Variants in ZFHX3 observed in about 807,000 individuals in gnomAD.
ZFHX3 encodes zinc finger homeobox protein 3.
Under a neutral mutation model 279.1 loss-of-function variants are expected in ZFHX3, and 42 were observed. That is an observed-to-expected ratio of 0.15 (90% CI 0.12 to 0.19). The LOEUF is 0.19. Ranked by LOEUF, ZFHX3 falls within the 10% of genes least tolerant of loss-of-function variation. The pLI is 1.00. For missense variants in ZFHX3, 4,981 were observed against 4,754.0 expected, an observed-to-expected ratio of 1.05 and a Z score of -1.40; for synonymous variants, 2,293 against 1,957.8, an observed-to-expected ratio of 1.17 and a Z score of -4.52.
At chr16:72,843,686 G>C (rs1328560699) in intron 4 of ZFHX3, among the ~76,000 whole-genome samples, 1 of 152,126 alleles carries the variant, frequency 6.6e-6, no homozygotes, top group Non-Finnish European at 1.5e-5. Context: ...CTCACACCCT[G>C]CTCCCTGGGT....
chr16:73,170,223 G>GTTTTCTTTTTTTTTTTTTT (rs1967487476), intron 5 of ZFHX3, among the ~76,000 whole-genome samples: 1 of 57,718 alleles, frequency 1.7e-5, no homozygotes, highest in Non-Finnish European at 2.9e-5. Flanking sequence ...CCTTTCACTA[G>GTTTTCTTTTTTTTTTTTTT]TTTTTTTTTT....
At chr16:72,800,953 G>C (rs1326836011) in intron 7 of ZFHX3, among the ~76,000 whole-genome samples, 1 of 152,212 alleles carries the variant, frequency 6.6e-6, no homozygotes, top group African/African-American at 2.4e-5. Flanking sequence ...TTTGGGCAGA[G>C]CCTCAGATAT....
intron 4 of ZFHX3, among the ~76,000 whole-genome samples, chr16:72,845,141 G>A (rs993804169): frequency 7.9e-5 from 12 of 152,104 alleles, no homozygotes; most frequent in Admixed American, 3.9e-4. Context: ...AGCTCCAAGC[G>A]GGGGAAACAG....
intron 1 of ZFHX3, among the ~76,000 whole-genome samples, chr16:73,806,554 C>T (rs957908018): frequency 2.0e-5 from 3 of 151,102 alleles, no homozygotes; most frequent in Non-Finnish European, 4.4e-5. Context: ...AGCTTAGGGG[C>T]AGGGTGGGGA....
At chr16:73,121,733 C>A (rs549589922) in intron 7 of ZFHX3, among the ~76,000 whole-genome samples, 3 of 151,554 alleles carry the variant, frequency 2.0e-5, no homozygotes, top group African/African-American at 7.3e-5. Flanking sequence ...CTCCTGCCTC[C>A]GCCTCCCAAG....
intron 1 of ZFHX3, among the ~76,000 whole-genome samples, chr16:73,819,474 C>A (rs1043072030): frequency 1.3e-5 from 2 of 151,976 alleles, no homozygotes; most frequent in Admixed American, 6.6e-5. Flanking sequence ...TTGTATCAGG[C>A]CTTTCCCACC....
At chr16:73,653,688 C>G (rs1398291656) in intron 2 of ZFHX3, among the ~76,000 whole-genome samples, 2 of 151,662 alleles carry the variant, frequency 1.3e-5, no homozygotes, top group African/African-American at 4.8e-5. Context: ...CCACCCAAAA[C>G]AAACAAAAGG....
chr16:73,706,473 A>C (rs936205882), intron 1 of ZFHX3, among the ~76,000 whole-genome samples: 1 of 150,140 alleles, frequency 6.7e-6, no homozygotes, highest in East Asian at 1.9e-4. Context: ...AAAAAAAAAA[A>C]AGAGAAAAAT....
chr16:73,671,829 A>G (rs1228289112), intron 2 of ZFHX3, among the ~76,000 whole-genome samples: 1 of 152,246 alleles, frequency 6.6e-6, no homozygotes, highest in Non-Finnish European at 1.5e-5. Context: ...AGTTTTAAAT[A>G]TCATAAAATA....
intron 4 of ZFHX3, among the ~76,000 whole-genome samples, chr16:73,280,941 C>A (rs750118188): frequency 6.6e-6 from 1 of 150,390 alleles, no homozygotes; most frequent in South Asian, 2.1e-4. Context: ...GCCAAGATTG[C>A]GCCATTGCAC....
chr16:72,978,903 A>T (rs1962472638), intron 1 of ZFHX3, among the ~76,000 whole-genome samples: 1 of 152,216 alleles, frequency 6.6e-6, no homozygotes, highest in African/African-American at 2.4e-5. Context: ...CTAGGTGCTT[A>T]CCATGCCCAG....
intron 3 of ZFHX3, among the ~76,000 whole-genome samples, chr16:72,911,100 A>T (rs963676502): frequency 5.3e-5 from 8 of 152,192 alleles, no homozygotes; most frequent in Non-Finnish European, 1.2e-4. Context: ...ACAAAACATC[A>T]TGTTGCTGCC....
At chr16:73,059,085 G>C (rs1210932654) in exon 1 of ZFHX3, 1 of 152,948 alleles carries the variant, frequency 6.5e-6, no homozygotes, top group Non-Finnish European at 1.5e-5. Flanking sequence ...AAATGGCTGT[G>C]ATTAATTCAG....
At chr16:73,779,573 A>T (rs1190826806) in intron 1 of ZFHX3, among the ~76,000 whole-genome samples, 2 of 152,156 alleles carry the variant, frequency 1.3e-5, no homozygotes, top group African/African-American at 2.4e-5. Context: ...ACCCACAAAG[A>T]TAGATAAGGT....
chr16:73,131,782 C>T (rs1567397216), intron 6 of ZFHX3, among the ~76,000 whole-genome samples: 1 of 152,158 alleles, frequency 6.6e-6, no homozygotes, highest in Non-Finnish European at 1.5e-5. Context: ...TATTCCAGTT[C>T]TACCACACAT....
rs201243994 is a variant in ZFHX3 at position 73,542,855 on chromosome 16, C to T, written c.-1546-86597G>A. ...ATTTGGGAACCCTAAACCTTCAGAG[C>T]GTGTGTGTGTGTGTGTTGGGAAGGG... On this transcript the variant is annotated intron_variant, in intron 2 of 17. Transcript: ENST00000641206. Among the ~76,000 whole-genome samples the T allele has an allele frequency of 4.0e-4, 60 of 150,792 alleles. No homozygotes were observed. The East Asian group carries it at 8.3e-3, about 21-fold the overall frequency.
At chr16:73,769,082 T>C (rs890536799) in intron 1 of ZFHX3, among the ~76,000 whole-genome samples, 4 of 152,172 alleles carry the variant, frequency 2.6e-5, no homozygotes, top group Non-Finnish European at 5.9e-5. Context: ...CTGGGCATCC[T>C]GTATTTTTAC....
intron 1 of ZFHX3, among the ~76,000 whole-genome samples, chr16:73,680,468 G>C (rs534891038): frequency 6.6e-6 from 1 of 152,144 alleles, no homozygotes; most frequent in Non-Finnish European, 1.5e-5. Flanking sequence ...TGCAAAGAAA[G>C]CCTGTGCTCT....
intron 4 of ZFHX3, among the ~76,000 whole-genome samples, chr16:73,287,244 T>A (rs2014637147): frequency 6.8e-6 from 1 of 146,530 alleles, no homozygotes; most frequent in Non-Finnish European, 1.5e-5. Flanking sequence ...GGTCAGTGTA[T>A]GGGTGTGTGG....
Sources: allele counts gnomAD v4.1 joint callset (sites outside exome capture counted in the v4.1 genomes callset), GRCh38; gene constraint gnomAD v4.1.1; transcripts MANE v1.5; gene names NCBI Gene and HGNC (gene_info 2026-07-23, HGNC 2026-07-21).